Variants in DNAH2 observed in about 807,000 individuals in gnomAD.
The protein encoded by DNAH2 is dynein axonemal heavy chain 2.
Under a neutral mutation model 523.5 loss-of-function variants are expected in DNAH2, and 323 were observed. The ratio of observed to expected loss-of-function variants is 0.62; its 90% CI spans 0.56 to 0.68. DNAH2 has a LOEUF of 0.68. Ranked by LOEUF, DNAH2 falls within the 30% of genes least tolerant of loss-of-function variation. The pLI is 0.00. For missense variants in DNAH2, 4,907 were observed against 5,701.5 expected (o/e 0.86, Z 4.49); for synonymous variants, 2,093 against 2,177.4 (o/e 0.96, Z 1.08).
rs763470581 is a variant in DNAH2 at position 7,754,516 on chromosome 17, C to T, written c.1905-2575C>T. 394 of 919,332 alleles carry T rather than the reference C, an allele frequency of 4.3e-4. 1 individual carries two copies. The highest frequency in any genetic ancestry group is 5.9e-4 in the Non-Finnish European group (348 of 585,156). 56.9% of individuals were successfully genotyped at this position (919,332 alleles called of 1,614,324 possible). A position where few individuals can be genotyped will look rare whatever the true frequency, so the allele number is the denominator to read the frequency against. ...GGACTCCAAGTTCCTGAGGAACATG[C>T]GCTTTGCCAAGAAGCACAAAAGAAG... On this transcript the variant is annotated intron_variant, in intron 12 of 85. Transcript: ENST00000572933. The surrounding 1 kb of genome is among the most constrained non-coding windows in gnomAD (Gnocchi z 4.6).
chr17:7,780,589 T>C lies in DNAH2; in HGVS notation c.5851-41T>C. On this transcript the variant is annotated intron_variant, in intron 37 of 85. Transcript: ENST00000572933. This position sits in a 1 kb window ranked among gnomAD's most constrained non-coding sequence, Gnocchi z 4.4. ...TCCTGAGATGAAGCAGAGGGATTTGTGGGGAGATGGACTGTTTCCTCCTCT... is the reference window on the plus strand; with the variant it reads ...TCCTGAGATGAAGCAGAGGGATTTGCGGGGAGATGGACTGTTTCCTCCTCT... 1.2e-6 allele frequency: 2 copies of C among 1,608,454 alleles called. No homozygotes were observed. The highest frequency in any genetic ancestry group is 1.7e-6 in the Non-Finnish European group (2 of 1,176,816).
At chr17:7,752,823 C>T (rs2075727792) in intron 12 of DNAH2, among the ~76,000 whole-genome samples, 1 of 152,190 alleles carries the variant, frequency 6.6e-6, no homozygotes, top group African/African-American at 2.4e-5. Context: ...AGTCCTAGAG[C>T]CTCTCCCACA....
chr17:7,823,679 C>G, intron 74 of DNAH2, 51 bp downstream of exon 74: 1 of 1,597,136 alleles, frequency 6.3e-7, no homozygotes, highest in Non-Finnish European at 8.5e-7. Flanking sequence ...CTCCATTCAG[C>G]CACATGCCGG....
intron 63 of DNAH2, among the ~76,000 whole-genome samples, chr17:7,814,559 AAAAAG>A (rs2077608064): frequency 6.6e-6 from 1 of 152,226 alleles, no homozygotes; most frequent in Non-Finnish European, 1.5e-5. Flanking sequence ...CAGCATAAAT[AAAAAG>A]AAAAGTGGTT....
chr17:7,794,280 C>G lies in DNAH2; in HGVS notation c.7596C>G (p.Gly2532=), dbSNP rs569890003. ...AAATGTTCCTGATGGCTGCCATGGG[C>G]CCCCCTGGGGGTGGACGGACTGTCA... ...IREMFLMAAM[G]PPGGGRTVIS... Residue 2532 remains glycine, a synonymous_variant, in exon 49 of 86, where the codon GGC becomes GGG. Coordinates refer to ENST00000572933, the MANE Select transcript of DNAH2 (RefSeq NM_020877.5). 2.2e-5 allele frequency: 35 copies of G among 1,607,594 alleles called. 1 individual carries two copies. The South Asian group carries it at 3.4e-4, about 16-fold the overall frequency.
chr17:7,743,428 G>A (rs1262784120), intron 12 of DNAH2: 1 of 682,304 alleles, frequency 1.5e-6, no homozygotes, highest in South Asian at 1.6e-5. Flanking sequence ...CACTTTGGGA[G>A]GCTGAGGTGG....
chr17:7,819,480 C>T (rs1035424934), intron 72 of DNAH2, 72 bp downstream of exon 72: 24 of 1,544,986 alleles, frequency 1.6e-5, no homozygotes, highest in African/African-American at 8.2e-5. Flanking sequence ...ACTGCACCTT[C>T]GTGCTTTCCC....
At chr17:7,817,144 A>C in intron 64 of DNAH2, 146 bp from the exon 65 acceptor site, 4 of 1,099,252 alleles carry the variant, frequency 3.6e-6, no homozygotes, top group Non-Finnish European at 5.0e-6. Context: ...GAACCAGGCT[A>C]GAGTTGTCAG....
intron 12 of DNAH2, among the ~76,000 whole-genome samples, chr17:7,746,070 T>C (rs969637431): frequency 7.9e-5 from 12 of 152,192 alleles, no homozygotes; most frequent in African/African-American, 2.7e-4. Context: ...TCACAAAGAA[T>C]GAACAACCAA....
chr17:7,766,078 G>T (rs551253355), intron 21 of DNAH2, among the ~76,000 whole-genome samples: 5 of 151,968 alleles, frequency 3.3e-5, no homozygotes, highest in African/African-American at 1.2e-4. Flanking sequence ...CGCCCGGCCC[G>T]CATTTCTACT....
intron 63 of DNAH2, among the ~76,000 whole-genome samples, chr17:7,816,276 T>A (rs2077662773): frequency 7.0e-6 from 1 of 142,646 alleles, no homozygotes; most frequent in Non-Finnish European, 1.6e-5. Context: ...CTTCAAGAGG[T>A]CTCCGTCCCC....
intron 45 of DNAH2, 72 bp from the exon 46 acceptor site, chr17:7,792,180 C>A: frequency 6.2e-7 from 1 of 1,601,514 alleles, no homozygotes; most frequent in South Asian, 1.1e-5. Context: ...ACCCGGTGGT[C>A]TGGGGCCCGT....
At position 7,806,740 on chromosome 17, in the gene DNAH2, G is replaced by A. The variant is rs1210641357; in HGVS notation, c.9443-410G>A. ...GGAATGCCCTCAGGCCCCCAGAGGG[G>A]AACAAGAATCAGAAAATGGGAACCG... On this transcript the variant is annotated intron_variant, in intron 61 of 85. Transcript: ENST00000572933. Among the ~76,000 whole-genome samples, 3 of 151,620 alleles carry A rather than the reference G, an allele frequency of 2.0e-5. No homozygotes were observed. The East Asian group carries it at 5.8e-4, about 29-fold the overall frequency.
intron 3 of DNAH2, among the ~76,000 whole-genome samples, chr17:7,725,123 T>G (rs2074754854): frequency 6.6e-6 from 1 of 151,982 alleles, no homozygotes; most frequent in Non-Finnish European, 1.5e-5. Context: ...AGAGTCTTGG[T>G]CTGTTGCCCA....
chr17:7,764,418 C>T (rs946147317), intron 20 of DNAH2, 145 bp downstream of exon 20: 1 of 951,598 alleles, frequency 1.1e-6, no homozygotes, highest in South Asian at 1.7e-5. Context: ...TCAAATGATA[C>T]CTTTACTTAG....
intron 65 of DNAH2, 46 bp from the exon 66 acceptor site, chr17:7,817,507 GGGGCTGCT>G: frequency 6.2e-7 from 1 of 1,613,614 alleles, no homozygotes; most frequent in South Asian, 1.1e-5. Context: ...TGAAGGCGCG[GGGGCTGCT>G]GGGCTCAGCT....
chr17:7,753,641 T>C (rs544301959), intron 12 of DNAH2, among the ~76,000 whole-genome samples: 6 of 152,024 alleles, frequency 3.9e-5, no homozygotes, highest in African/African-American at 1.4e-4. Flanking sequence ...TGGGGTGTAG[T>C]CTACCATGTT....
At chr17:7,723,549 G>A in intron 2 of DNAH2, 79 bp from the exon 3 acceptor site, 1 of 1,209,734 alleles carries the variant, frequency 8.3e-7, no homozygotes, top group South Asian at 1.2e-5. Context: ...TAGGACTACA[G>A]GTGTGAGCCA....
Position 7,734,683 on chromosome 17 carries a change from T to G in DNAH2, c.953T>G (p.Phe318Cys). ...GCCAAGTCGTCCTACTTGGCGCCCT[T>G]TATGAAACTGGCACAGCAGATCCAG... Reference protein sequence around the residue: ...HLAKSSYLAPFMKLAQQIQDG... With the variant: ...HLAKSSYLAPCMKLAQQIQDG... Residue 318 changes from phenylalanine to cysteine, a missense_variant, in exon 7 of 86, where the codon TTT becomes TGT. Around this residue, in one of 3 missense-constraint regions of DNAH2, gnomAD observed 2,806 missense variants for 3,190.8 expected, o/e 0.88. Transcript: ENST00000572933. 1 of 1,612,446 alleles carries G rather than the reference T, an allele frequency of 6.2e-7. No individual in the cohort carries two copies. The highest frequency in any genetic ancestry group is 8.5e-7 in the Non-Finnish European group (1 of 1,179,782).
Sources: allele counts gnomAD v4.1 joint callset (sites outside exome capture counted in the v4.1 genomes callset), GRCh38; gene constraint gnomAD v4.1.1; regional missense constraint gnomAD v4.1.1; non-coding constraint Gnocchi (gnomAD v3.1); transcripts MANE v1.5; gene names NCBI Gene and HGNC (gene_info 2026-07-23, HGNC 2026-07-21).